Variants in OSBPL8 observed in about 807,000 individuals in gnomAD.
OSBPL8 encodes oxysterol binding protein like 8, also known as oxysterol-binding protein-related protein 8.
OSBPL8 carries 59 observed loss-of-function variants against 125.5 expected under a neutral mutation model. That is an observed-to-expected ratio of 0.47 (90% confidence interval 0.38 to 0.58). OSBPL8 has a LOEUF of 0.58. OSBPL8 is among the 20% of genes least tolerant of loss of function. The pLI is 0.00. For missense variants in OSBPL8, 758 were observed against 1,047.8 expected, an observed-to-expected ratio of 0.72 and a Z score of 3.82; for synonymous variants, 330 against 338.9, an observed-to-expected ratio of 0.97 and a Z score of 0.29.
At chr12:76,500,067 C>G (rs1879744460) in intron 1 of OSBPL8, among the ~76,000 whole-genome samples, 1 of 152,106 alleles carries the variant, frequency 6.6e-6, no homozygotes, top group Admixed American at 6.6e-5. Flanking sequence ...AGTTTTATAC[C>G]TAGTTTTATA....
At chr12:76,463,731 C>T (rs1004831518) in intron 2 of OSBPL8, among the ~76,000 whole-genome samples, 6 of 152,132 alleles carry the variant, frequency 3.9e-5, no homozygotes, top group Non-Finnish European at 8.8e-5. Context: ...GATATGGATA[C>T]AAAAGCACTG....
intron 2 of OSBPL8, among the ~76,000 whole-genome samples, chr12:76,485,540 C>A (rs1276638617): frequency 3.3e-5 from 5 of 152,142 alleles, no homozygotes; most frequent in African/African-American, 1.2e-4. Flanking sequence ...CCACCGCACT[C>A]CAGAAATGAC....
chr12:76,470,202 T>C (rs1353592336), intron 2 of OSBPL8, among the ~76,000 whole-genome samples: 3 of 152,240 alleles, frequency 2.0e-5, no homozygotes, highest in Admixed American at 6.5e-5. Flanking sequence ...ACTAATGGCA[T>C]GCATCTGGTG....
rs1952920844 is a variant in OSBPL8 at position 76,378,669 on chromosome 12, A to C, written c.1631-119T>G. On this transcript the variant is annotated intron_variant, in intron 15 of 23. Coordinates refer to ENST00000261183, the MANE Select transcript of OSBPL8 (RefSeq NM_020841.5). ...AGTAGAAAGTCTTAAAAATGTCTCA[A>C]TCTCAATGTGCCCAAACATGTATTC... The C allele has an allele frequency of 5.9e-6, 4 of 674,684 alleles. No individual in the cohort carries two copies. The South Asian group carries it at 7.5e-5, about 13-fold the overall frequency. The allele number at this position is 674,684 out of a possible 1,614,324, so 41.8% of individuals were successfully genotyped here.
intron 4 of OSBPL8, among the ~76,000 whole-genome samples, chr12:76,428,875 C>T (rs531481580): frequency 1.1e-4 from 16 of 152,224 alleles, no homozygotes; most frequent in South Asian, 2.1e-4. Flanking sequence ...AGATGCAGCA[C>T]ATAAACCAAA....
At chr12:76,525,909 C>T (rs532421214) in intron 1 of OSBPL8, among the ~76,000 whole-genome samples, 277 of 152,292 alleles carry the variant, frequency 1.8e-3, no homozygotes, top group African/African-American at 5.7e-3. Flanking sequence ...ATACCTACTA[C>T]GTGCCAACCA....
chr12:76,358,953 A>T, intron 21 of OSBPL8, 142 bp from the exon 22 acceptor site: 1 of 663,532 alleles, frequency 1.5e-6, no homozygotes, highest in Non-Finnish European at 2.6e-6. Context: ...TTCAAATTTA[A>T]CAAATGTGAT....
rs920290275 is a variant in OSBPL8 at position 76,354,478 on chromosome 12, C to T, written c.*1411G>A. ...TTATAATTTTACTATTTCACAGCCT[C>T]CTCCTACTGAAAGGCAAATGTGGTC... On this transcript the variant is annotated 3_prime_UTR_variant, in exon 24 of 24. Coordinates refer to ENST00000261183, the MANE Select transcript of OSBPL8 (RefSeq NM_020841.5). The T allele has an allele frequency of 6.6e-6, 1 of 150,914 alleles. No homozygotes were observed. The highest frequency in any genetic ancestry group is 2.5e-5 in the African/African-American group (1 of 40,542). 9.3% of individuals were successfully genotyped at this position (150,914 alleles called of 1,614,324 possible).
chr12:76,519,507 T>C (rs955132128), intron 1 of OSBPL8, among the ~76,000 whole-genome samples: 2 of 152,220 alleles, frequency 1.3e-5, no homozygotes, highest in African/African-American at 2.4e-5. Flanking sequence ...CCAAAGCTAC[T>C]TCCACATCTT....
chr12:76,415,473 C>A (rs141594266), intron 4 of OSBPL8, among the ~76,000 whole-genome samples: 1,960 of 152,258 alleles, frequency 0.013, 21 homozygotes, highest in Middle Eastern at 0.037. Context: ...GTCTCGAACT[C>A]CTGACCTCAA....
intron 1 of OSBPL8, among the ~76,000 whole-genome samples, chr12:76,520,408 A>G (rs1320857183): frequency 6.6e-6 from 1 of 152,156 alleles, no homozygotes; most frequent in Non-Finnish European, 1.5e-5. Context: ...AAGGAAAATC[A>G]GTTTACACAA....
At chr12:76,469,689 ACTCT>A (rs764794029) in intron 2 of OSBPL8, among the ~76,000 whole-genome samples, 6 of 152,030 alleles carry the variant, frequency 3.9e-5, no homozygotes, top group Admixed American at 1.3e-4. Context: ...CTATTTTGTT[ACTCT>A]CTATCCTTCT....
chr12:76,445,427 G>A (rs1872631294), intron 4 of OSBPL8, among the ~76,000 whole-genome samples: 1 of 152,018 alleles, frequency 6.6e-6, no homozygotes, highest in Non-Finnish European at 1.5e-5. Flanking sequence ...AAAGCATTAA[G>A]AAAATAAGAA....
chr12:76,541,849 C>CGA (rs371720810), intron 1 of OSBPL8, among the ~76,000 whole-genome samples: 17 of 151,600 alleles, frequency 1.1e-4, no homozygotes, highest in African/African-American at 3.9e-4. Context: ...TGACAAGACT[C>CGA]TGTCTCAAAA....
At chr12:76,546,523 T>C (rs1206810682) in intron 1 of OSBPL8, among the ~76,000 whole-genome samples, 1 of 152,102 alleles carries the variant, frequency 6.6e-6, no homozygotes, top group Non-Finnish European at 1.5e-5. Context: ...TATTAAGGTA[T>C]TGCTGACATA....
chr12:76,401,462 G>A (rs74103421), intron 6 of OSBPL8, among the ~76,000 whole-genome samples: 68 of 152,222 alleles, frequency 4.5e-4, no homozygotes, highest in Middle Eastern at 3.4e-3. Flanking sequence ...TTGTCATTAC[G>A]TCATTTAATC....
chr12:76,521,368 C>T (rs1202934876), intron 1 of OSBPL8, among the ~76,000 whole-genome samples: 2 of 151,714 alleles, frequency 1.3e-5, no homozygotes, highest in Admixed American at 6.6e-5. Context: ...TAAAATGGTA[C>T]AGCCACTGCG....
At chr12:76,435,882 T>G (rs777573417) in intron 4 of OSBPL8, among the ~76,000 whole-genome samples, 1 of 152,142 alleles carries the variant, frequency 6.6e-6, no homozygotes, top group African/African-American at 2.4e-5. Context: ...TAAAGAATTC[T>G]GCCACTAGAA....
At chr12:76,465,006 A>C (rs1006911564) in intron 2 of OSBPL8, among the ~76,000 whole-genome samples, 1 of 152,150 alleles carries the variant, frequency 6.6e-6, no homozygotes, top group Non-Finnish European at 1.5e-5. Flanking sequence ...TGTTCTTCGA[A>C]CAGGAGTCAT....
Sources: gnomAD v4.1 joint callset for allele counts (sites outside exome capture counted in the v4.1 genomes callset) on GRCh38, gnomAD v4.1.1 for gene constraint, MANE v1.5 for transcripts, NCBI Gene and HGNC (gene_info 2026-07-23, HGNC 2026-07-21) for gene names.